Variants in SNX29 observed in about 807,000 individuals in gnomAD.
The protein encoded by SNX29 is sorting nexin 29, also known as sorting nexin-29.
SNX29 carries 78 observed loss-of-function variants against 102.1 expected under a neutral mutation model. The observed-to-expected ratio is 0.76, with a 90% confidence interval of 0.64 to 0.92. The LOEUF is 0.92. Ranked by LOEUF, SNX29 falls within the 40% of genes least tolerant of loss-of-function variation. SNX29 has a pLI of 0.00. For synonymous variants in SNX29, 580 were observed against 414.5 expected (o/e 1.40, Z -4.85); for missense variants, 1,280 against 1,061.7 (o/e 1.21, Z -2.86).
intron 11 of SNX29, among the ~76,000 whole-genome samples, chr16:12,124,468 C>G (rs767262182): frequency 1.3e-4 from 20 of 152,144 alleles, no homozygotes; most frequent in Non-Finnish European, 2.8e-4. Flanking sequence ...TAGATGTGCC[C>G]TTGATGTGCA....
chr16:12,493,404 G>A (rs2088650608), intron 19 of SNX29, among the ~76,000 whole-genome samples: 2 of 152,220 alleles, frequency 1.3e-5, no homozygotes, highest in Admixed American at 1.3e-4. Context: ...AGACTTTGCT[G>A]AAGTTGCTTA....
chr16:12,561,991 C>T (rs1267569761), intron 20 of SNX29, among the ~76,000 whole-genome samples: 1 of 152,174 alleles, frequency 6.6e-6, no homozygotes, highest in Admixed American at 6.5e-5. Context: ...AGCTTGGTGA[C>T]AATGGACCCT....
At chr16:12,309,350 G>A (rs2080455252) in intron 15 of SNX29, among the ~76,000 whole-genome samples, 2 of 152,170 alleles carry the variant, frequency 1.3e-5, no homozygotes, top group South Asian at 2.1e-4. Flanking sequence ...TAAAACCTGC[G>A]AGGGCTCACT....
At chr16:12,208,873 G>C (rs2077112605) in intron 14 of SNX29, among the ~76,000 whole-genome samples, 2 of 151,138 alleles carry the variant, frequency 1.3e-5, no homozygotes, top group South Asian at 4.2e-4. Flanking sequence ...TGAGTCACTT[G>C]TTACTCGTTT....
intron 16 of SNX29, among the ~76,000 whole-genome samples, chr16:12,395,113 C>G (rs1426701316): frequency 6.6e-6 from 1 of 152,110 alleles, no homozygotes; most frequent in African/African-American, 2.4e-5. Flanking sequence ...CCTCTTCTGT[C>G]TTTCCTTTTT....
chr16:12,490,091 C>T (rs1164593939), intron 19 of SNX29, among the ~76,000 whole-genome samples: 1 of 152,190 alleles, frequency 6.6e-6, no homozygotes, highest in African/African-American at 2.4e-5. Flanking sequence ...CAGGCGTGAG[C>T]CACAACGCCA....
chr16:12,377,169 G>C lies in SNX29; in HGVS notation c.1899+20890G>C, dbSNP rs145521262. 6.6e-5 allele frequency among the ~76,000 whole-genome samples: 10 copies of C among 152,312 alleles called. No homozygotes were observed. In the East Asian group the frequency reaches 1.7e-3, roughly 26 times the overall value. On this transcript the variant is annotated intron_variant, in intron 16 of 20. Coordinates refer to ENST00000566228, the MANE Select transcript of SNX29 (RefSeq NM_032167.5). ...TGTGGTTTCAGGCAAGGAGCTTTAC[G>C]TCTCTGAGCCTCAGTTTTCACAGCT...
chr16:12,016,082 C>G (rs1320731776), intron 3 of SNX29, among the ~76,000 whole-genome samples: 1 of 151,904 alleles, frequency 6.6e-6, no homozygotes, highest in African/African-American at 2.4e-5. Context: ...CCAGGCTGGT[C>G]TCAAATTCCT....
chr16:11,986,486 A>G (rs2055632188), intron 1 of SNX29, among the ~76,000 whole-genome samples: 1 of 152,110 alleles, frequency 6.6e-6, no homozygotes, highest in Non-Finnish European at 1.5e-5. Flanking sequence ...ATTTGTAGGT[A>G]TTCCTCTTCT....
At chr16:12,020,588 T>C (rs1389255385) in intron 3 of SNX29, among the ~76,000 whole-genome samples, 1 of 152,116 alleles carries the variant, frequency 6.6e-6, no homozygotes, top group Non-Finnish European at 1.5e-5. Context: ...TGTGAACCTT[T>C]TTGAAAATTA....
intron 20 of SNX29, chr16:12,546,205 G>C (rs746861894): frequency 6.6e-6 from 1 of 152,208 alleles, no homozygotes; most frequent in Non-Finnish European, 1.5e-5. Context: ...AACGAGGGAC[G>C]TAGGAGGTAC....
chr16:12,491,964 A>G (rs914354164), intron 19 of SNX29, among the ~76,000 whole-genome samples: 8 of 152,162 alleles, frequency 5.3e-5, no homozygotes, highest in Admixed American at 1.3e-4. Flanking sequence ...AGTCTTTGCT[A>G]TTGTGAATAG....
chr16:12,263,140 T>G (rs1258891115), intron 14 of SNX29, among the ~76,000 whole-genome samples: 1 of 151,750 alleles, frequency 6.6e-6, no homozygotes, highest in Non-Finnish European at 1.5e-5. Flanking sequence ...ACCTTTTTTT[T>G]TTTTTTTTTG....
chr16:12,146,597 C>G lies in SNX29; in HGVS notation c.1595+16839C>G, dbSNP rs1360652829. The stretch of plus-strand genomic sequence containing the variant: ...TATGAATGTTTTCATGGCCCAAGTT[C>G]TTGGCGGCAGGCTGAGGTGGGAGGG... On this transcript the variant is annotated intron_variant, in intron 13 of 20. Transcript: ENST00000566228. 3.3e-5 allele frequency among the ~76,000 whole-genome samples: 5 copies of G among 152,288 alleles called. No individual in the cohort carries two copies. The East Asian group carries it at 9.7e-4, about 29-fold the overall frequency.
At chr16:12,044,922 A>G (rs1277501956) in intron 5 of SNX29, among the ~76,000 whole-genome samples, 1 of 152,130 alleles carries the variant, frequency 6.6e-6, no homozygotes, top group Non-Finnish European at 1.5e-5. Flanking sequence ...AGCTCCTTCC[A>G]GCATATTATT....
chr16:12,187,957 C>A (rs1287212339), intron 13 of SNX29, among the ~76,000 whole-genome samples: 1 of 152,122 alleles, frequency 6.6e-6, no homozygotes, highest in Admixed American at 6.5e-5. Flanking sequence ...ATCCACCATG[C>A]CCTAGGAGTT....
intron 20 of SNX29, among the ~76,000 whole-genome samples, chr16:12,545,029 A>T (rs936245583): frequency 1.3e-5 from 2 of 152,180 alleles, no homozygotes; most frequent in Non-Finnish European, 2.9e-5. Flanking sequence ...CGGCTTCAGT[A>T]GCCAGGTCTG....
chr16:12,238,825 CTG>C lies in SNX29; in HGVS notation c.1679-39107_1679-39106del, dbSNP rs564174840. ...GGCAGTGCAGAGCTGTCGAGTGTCTCTGCCACAGTCTAGTGTCCTGGTCCACT... is the reference window on the plus strand; with the variant it reads ...GGCAGTGCAGAGCTGTCGAGTGTCTCCCACAGTCTAGTGTCCTGGTCCACT... On this transcript the variant is annotated intron_variant, in intron 14 of 20. Coordinates refer to ENST00000566228, the MANE Select transcript of SNX29 (RefSeq NM_032167.5). Among the ~76,000 whole-genome samples, 79 of 152,366 alleles carry C rather than the reference CTG, an allele frequency of 5.2e-4. 1 individual carries two copies. In the South Asian group the frequency reaches 0.012, roughly 23 times the overall value.
At chr16:12,452,614 C>T (rs941947263) in intron 18 of SNX29, among the ~76,000 whole-genome samples, 1 of 131,986 alleles carries the variant, frequency 7.6e-6, no homozygotes, top group Non-Finnish European at 1.6e-5. Flanking sequence ...TTGCTCCAAT[C>T]ATTTTCTCTC....
Sources: allele counts gnomAD v4.1 joint callset (sites outside exome capture counted in the v4.1 genomes callset), GRCh38; gene constraint gnomAD v4.1.1; transcripts MANE v1.5; gene names NCBI Gene and HGNC (gene_info 2026-07-23, HGNC 2026-07-21).